The following SERINC5 variants were observed in gnomAD, a reference collection of about 807,000 sequenced individuals.
SERINC5 encodes chromosome 5 open reading frame 12.
SERINC5 carries 41 observed loss-of-function variants against 63.1 expected under a neutral mutation model. The ratio of observed to expected loss-of-function variants is 0.65; its 90% CI spans 0.51 to 0.84. The LOEUF (loss-of-function observed/expected upper bound fraction) is 0.84, where lower values mean the gene tolerates loss of function less well. SERINC5 is among the 40% of genes least tolerant of loss of function. The pLI is 0.00. For missense variants in SERINC5, 523 were observed against 573.0 expected (o/e 0.91, Z 0.89); for synonymous variants, 222 against 215.2 (o/e 1.03, Z -0.28).
intron 11 of SERINC5, chr5:80,128,964 TAAC>T (rs1393612145): frequency 6.6e-6 from 1 of 152,240 alleles, no homozygotes; most frequent in Admixed American, 6.5e-5. Context: ...AAACAGTCAC[TAAC>T]AACATCTTTC....
chr5:80,252,593 A>G (rs1371717845), intron 1 of SERINC5, among the ~76,000 whole-genome samples: 1 of 152,238 alleles, frequency 6.6e-6, no homozygotes, highest in Non-Finnish European at 1.5e-5. Context: ...AGATACAAAA[A>G]TAAAATAAGC....
At chr5:80,156,233 C>T (rs1386510941) in intron 8 of SERINC5, among the ~76,000 whole-genome samples, 1 of 152,130 alleles carries the variant, frequency 6.6e-6, no homozygotes, top group Non-Finnish European at 1.5e-5. Flanking sequence ...TGACAGTTCC[C>T]ACACGGACGA....
chr5:80,197,308 T>TGAGAGAGA lies in SERINC5; in HGVS notation c.195+5570_195+5577dup, dbSNP rs34195156. ...GAGAGACAGAGCAAGACTCCATCTG[T>TGAGAGAGA]GAGAGAGAGAGAGAGAGAGAGAGAG... On this transcript the variant is annotated intron_variant, in intron 2 of 11. Transcript: ENST00000507668. Among the ~76,000 whole-genome samples the TGAGAGAGA allele has an allele frequency of 6.2e-4, 85 of 137,022 alleles. 1 individual carries two copies. Among genetic ancestry groups the TGAGAGAGA allele is most frequent in the African/African-American group, 1.1e-3 (41 of 36,618 alleles). 89.9% of individuals were successfully genotyped at this position (137,022 alleles called of 152,430 possible).
At chr5:80,222,567 TGA>T (rs112250936) in intron 1 of SERINC5, among the ~76,000 whole-genome samples, 15,943 of 150,528 alleles carry the variant, frequency 0.11, 937 homozygotes, top group Middle Eastern at 0.13. Flanking sequence ...TGTGAGTGTG[TGA>T]GTGTGTGTGT....
intron 1 of SERINC5, among the ~76,000 whole-genome samples, chr5:80,251,448 G>A (rs964008431): frequency 2.0e-5 from 3 of 152,112 alleles, no homozygotes; most frequent in Admixed American, 6.6e-5. Context: ...AGAGTGAATA[G>A]GGCCGGCGCA....
intron 8 of SERINC5, among the ~76,000 whole-genome samples, chr5:80,152,679 G>A (rs550044552): frequency 6.7e-4 from 102 of 152,154 alleles, no homozygotes; most frequent in Middle Eastern, 3.4e-3. Flanking sequence ...AGTGGTTCAC[G>A]CCTGTAATCC....
At chr5:80,245,312 G>A (rs1301485947) in intron 1 of SERINC5, among the ~76,000 whole-genome samples, 1 of 152,158 alleles carries the variant, frequency 6.6e-6, no homozygotes, top group Admixed American at 6.6e-5. Flanking sequence ...TGGATCTCTA[G>A]AGCCCATTCA....
At chr5:80,208,256 G>A (rs763014672) in intron 1 of SERINC5, among the ~76,000 whole-genome samples, 6 of 151,916 alleles carry the variant, frequency 3.9e-5, no homozygotes, top group Non-Finnish European at 8.8e-5. Context: ...TCTAACAAAT[G>A]TACCAGTCTG....
At chr5:80,250,035 A>G (rs1752335146) in intron 1 of SERINC5, among the ~76,000 whole-genome samples, 1 of 152,162 alleles carries the variant, frequency 6.6e-6, no homozygotes, top group Admixed American at 6.5e-5. Flanking sequence ...AATCACTATA[A>G]ACAAAGAGCA....
chr5:80,245,837 A>G (rs1752143964), intron 1 of SERINC5, among the ~76,000 whole-genome samples: 2 of 151,102 alleles, frequency 1.3e-5, no homozygotes, highest in African/African-American at 4.9e-5. Context: ...CTGGTGTCCA[A>G]CTCCTGACCT....
At chr5:80,132,548 C>A (rs962890628) in intron 11 of SERINC5, among the ~76,000 whole-genome samples, 1 of 152,136 alleles carries the variant, frequency 6.6e-6, no homozygotes, top group Admixed American at 6.5e-5. Flanking sequence ...AGGTTGCAAT[C>A]CTCAAATTTG....
chr5:80,245,625 T>C (rs1752136400), intron 1 of SERINC5, among the ~76,000 whole-genome samples: 1 of 152,056 alleles, frequency 6.6e-6, no homozygotes, highest in African/African-American at 2.4e-5. Context: ...TTTTATTTTT[T>C]ATTTTTTGAG....
chr5:80,173,287 G>GAAGGAAGA (rs1747797704), intron 5 of SERINC5, among the ~76,000 whole-genome samples: 1 of 148,646 alleles, frequency 6.7e-6, no homozygotes, highest in Admixed American at 6.7e-5. Context: ...GGAAGAAAAT[G>GAAGGAAGA]AAATGAAATG....
intron 1 of SERINC5, among the ~76,000 whole-genome samples, chr5:80,214,072 A>G (rs2032784): frequency 0.66 from 99,997 of 152,064 alleles, 33,235 homozygotes; most frequent in African/African-American, 0.72. Context: ...GTTAAATTAC[A>G]GAAGGTTCAT....
intron 1 of SERINC5, among the ~76,000 whole-genome samples, chr5:80,218,069 A>G (rs149036344): frequency 6.8e-4 from 104 of 152,378 alleles, no homozygotes; most frequent in African/African-American, 2.4e-3. Flanking sequence ...CATCGTTAGT[A>G]GCTTTAAAAA....
rs183098397 is a variant in SERINC5 at position 80,249,997 on chromosome 5, T to C, written c.27+5899A>G. Among the ~76,000 whole-genome samples, 1,222 of 152,270 alleles carry C rather than the reference T, an allele frequency of 8.0e-3. 17 individuals are homozygous for C. Among genetic ancestry groups the C allele is most frequent in the African/African-American group, 0.028 (1,165 of 41,542 alleles). ...TGGATCCCTTCCAGTGGAAGCACCA[T>C]GTAATATAATGAGGACCTAACATTT... On this transcript the variant is annotated intron_variant, in intron 1 of 11. Transcript: ENST00000507668.
At chr5:80,224,450 C>G in intron 1 of SERINC5, among the ~76,000 whole-genome samples, 1 of 152,058 alleles carries the variant, frequency 6.6e-6, no homozygotes, top group East Asian at 1.9e-4. Context: ...GCACTCCAGC[C>G]TGGGTGACAG....
At chr5:80,166,717 T>C in intron 6 of SERINC5, 1 of 374,954 alleles carries the variant, frequency 2.7e-6, no homozygotes, top group South Asian at 2.6e-5. Flanking sequence ...TGCCAAGTTA[T>C]CTACCAATAC....
intron 11 of SERINC5, chr5:80,113,632 T>C (rs373721480): frequency 7.5e-5 from 22 of 292,890 alleles, no homozygotes; most frequent in South Asian, 6.0e-4. Context: ...ACTTCTTACA[T>C]GGCAGCAGCA....
Sources: gnomAD v4.1 joint callset for allele counts (sites outside exome capture counted in the v4.1 genomes callset) on GRCh38, gnomAD v4.1.1 for gene constraint, MANE v1.5 for transcripts, NCBI Gene and HGNC (gene_info 2026-07-23, HGNC 2026-07-21) for gene names.